The following SGMS1 variants were observed in gnomAD, a reference collection of about 807,000 sequenced individuals.
SGMS1 encodes phosphatidylcholine:ceramide cholinephosphotransferase 1.
SGMS1 carries 13 observed loss-of-function variants against 46.2 expected under a neutral mutation model. That is an observed-to-expected ratio of 0.28 (90% confidence interval 0.18 to 0.45). SGMS1 has a LOEUF of 0.45. Ranked by LOEUF, SGMS1 falls within the 20% of genes least tolerant of loss-of-function variation. SGMS1 has a pLI of 1.00. For synonymous variants in SGMS1, 203 were observed against 187.8 expected (o/e 1.08, Z -0.66); for missense variants, 324 against 519.9 (o/e 0.62, Z 3.66).
At chr10:50,381,556 T>G (rs1848606345) in intron 6 of SGMS1, among the ~76,000 whole-genome samples, 1 of 152,234 alleles carries the variant, frequency 6.6e-6, no homozygotes, top group Non-Finnish European at 1.5e-5. Context: ...TGTCTTTTTG[T>G]TCTGAGTCCA....
intron 4 of SGMS1, among the ~76,000 whole-genome samples, chr10:50,464,845 G>A (rs1837311163): frequency 1.3e-5 from 2 of 152,150 alleles, no homozygotes; most frequent in Admixed American, 1.3e-4. Flanking sequence ...AGGGAGAGAG[G>A]GAGGGAGTTA....
intron 8 of SGMS1, among the ~76,000 whole-genome samples, chr10:50,324,386 C>T (rs1163731733): frequency 3.9e-5 from 6 of 152,264 alleles, no homozygotes; most frequent in Admixed American, 2.0e-4. Context: ...GATTCAGTGG[C>T]GATGATGTTC....
chr10:50,312,602 C>T (rs1014512374), intron 8 of SGMS1, among the ~76,000 whole-genome samples: 1 of 152,104 alleles, frequency 6.6e-6, no homozygotes, highest in Non-Finnish European at 1.5e-5. Context: ...TGAGAAAATG[C>T]CTTTAGATTT....
intron 2 of SGMS1, among the ~76,000 whole-genome samples, chr10:50,588,721 ATTTTTTTTTTTTT>A (rs71029314): frequency 1.1e-5 from 1 of 92,220 alleles, no homozygotes; most frequent in Non-Finnish European, 2.1e-5. Flanking sequence ...GACTGATCTA[ATTTTTTTTTTTTT>A]TTTTTTTTTT....
intron 3 of SGMS1, among the ~76,000 whole-genome samples, chr10:50,476,964 T>C (rs1046556315): frequency 3.3e-5 from 5 of 152,218 alleles, no homozygotes; most frequent in African/African-American, 1.2e-4. Context: ...ACTAGGGTAG[T>C]GCAGAGGGGA....
At chr10:50,608,545 C>T (rs558255076) in intron 1 of SGMS1, among the ~76,000 whole-genome samples, 7 of 152,314 alleles carry the variant, frequency 4.6e-5, no homozygotes, top group South Asian at 2.1e-4. Context: ...CCCACCCTTA[C>T]ACCTCAGCCT....
chr10:50,499,869 T>TA (rs1285646392), intron 3 of SGMS1, among the ~76,000 whole-genome samples: 1 of 152,184 alleles, frequency 6.6e-6, no homozygotes, highest in Non-Finnish European at 1.5e-5. Flanking sequence ...ATATTGTATC[T>TA]AAAAAACAAG....
chr10:50,320,996 G>C (rs1440211756), intron 8 of SGMS1, among the ~76,000 whole-genome samples: 3 of 152,170 alleles, frequency 2.0e-5, no homozygotes, highest in Non-Finnish European at 4.4e-5. Flanking sequence ...TATATATTGT[G>C]TGTCCTCAAA....
intron 5 of SGMS1, among the ~76,000 whole-genome samples, chr10:50,448,937 T>C (rs1409869143): frequency 6.6e-6 from 1 of 151,882 alleles, no homozygotes; most frequent in Non-Finnish European, 1.5e-5. Flanking sequence ...GACTTATGGA[T>C]AAAAATAAGC....
At chr10:50,593,812 T>G (rs780353752) in intron 1 of SGMS1, among the ~76,000 whole-genome samples, 4 of 152,212 alleles carry the variant, frequency 2.6e-5, no homozygotes, top group Non-Finnish European at 4.4e-5. Context: ...GATACAGTTC[T>G]CATTGTGTGA....
chr10:50,446,022 C>T (rs1162790276), intron 5 of SGMS1, among the ~76,000 whole-genome samples: 1 of 152,120 alleles, frequency 6.6e-6, no homozygotes, highest in East Asian at 1.9e-4. Flanking sequence ...TGCTCCCAGG[C>T]TTATTAGGAT....
intron 5 of SGMS1, among the ~76,000 whole-genome samples, chr10:50,446,140 C>T (rs1837010418): frequency 6.6e-6 from 1 of 152,000 alleles, no homozygotes; most frequent in African/African-American, 2.4e-5. Context: ...ACTTCATTAG[C>T]AATTTTAATT....
chr10:50,417,413 AAAAATAAAATAAAATAAAAT>A (rs140505093), intron 6 of SGMS1, among the ~76,000 whole-genome samples: 2 of 149,396 alleles, frequency 1.3e-5, no homozygotes, highest in Admixed American at 1.3e-4. Context: ...AAACAAACAC[AAAAATAAAATAAAATAAAAT>A]AAAATAAAAT....
In SGMS1 at chr10:50,601,398, C is replaced by G. The variant is rs1169118531; in HGVS notation, c.-683-11151G>C. Among the ~76,000 whole-genome samples, 3 of 152,124 alleles carry G rather than the reference C, an allele frequency of 2.0e-5. No homozygotes were observed. In the East Asian group the frequency reaches 5.8e-4, roughly 29 times the overall value. On this transcript the variant is annotated intron_variant, in intron 1 of 10. Coordinates refer to ENST00000361781, the MANE Select transcript of SGMS1 (RefSeq NM_147156.4). ...GTCACTTTGTACATTTGTGACCAAC[C>G]AAAAAGTTTTAATTTTCTCATCATT...
chr10:50,328,212 T>A (rs1847559779), intron 7 of SGMS1: 1 of 240,598 alleles, frequency 4.2e-6, no homozygotes, highest in African/African-American at 2.4e-5. Context: ...CTCATTAAAG[T>A]CTGGTGTATT....
At chr10:50,342,756 T>C (rs986431013) in intron 7 of SGMS1, 1 of 152,216 alleles carries the variant, frequency 6.6e-6, no homozygotes, top group African/African-American at 2.4e-5. Flanking sequence ...GAAGGGACAA[T>C]GTAGGCAACC....
intron 6 of SGMS1, among the ~76,000 whole-genome samples, chr10:50,363,964 T>C (rs1848294555): frequency 6.6e-6 from 1 of 151,842 alleles, no homozygotes; most frequent in African/African-American, 2.4e-5. Flanking sequence ...GAAAAACTAT[T>C]ACTAACATTT....
At chr10:50,456,309 T>C (rs7915490) in intron 5 of SGMS1, among the ~76,000 whole-genome samples, 1,610 of 150,048 alleles carry the variant, frequency 0.011, 33 homozygotes, top group African/African-American at 0.039. Context: ...CAATTATTGA[T>C]AATAAGGAGG....
chr10:50,368,319 A>G (rs1848381612), intron 6 of SGMS1, among the ~76,000 whole-genome samples: 3 of 152,242 alleles, frequency 2.0e-5, no homozygotes, highest in South Asian at 2.1e-4. Flanking sequence ...AACCATCACT[A>G]CAAATATTTA....
Sources: gnomAD v4.1 joint callset for allele counts (sites outside exome capture counted in the v4.1 genomes callset) on GRCh38, gnomAD v4.1.1 for gene constraint, MANE v1.5 for transcripts, NCBI Gene and HGNC (gene_info 2026-07-23, HGNC 2026-07-21) for gene names.